Variants in ST3GAL4 observed in about 807,000 individuals in gnomAD.
ST3GAL4 encodes the protein CMP-N-acetylneuraminate-beta-galactosamide-alpha-2,3-sialyltransferase 4.
In ST3GAL4, 24 loss-of-function variants were observed where a neutral mutation model predicts 42.6. The ratio of observed to expected loss-of-function variants is 0.56; its 90% CI spans 0.41 to 0.79. The LOEUF (loss-of-function observed/expected upper bound fraction) is 0.79, where lower values mean the gene tolerates loss of function less well. Ranked by LOEUF, ST3GAL4 falls within the 30% of genes least tolerant of loss-of-function variation. The pLI is 0.00. For synonymous variants in ST3GAL4, 135 were observed against 163.2 expected, an observed-to-expected ratio of 0.83 and a Z score of 1.32; for missense variants, 311 against 430.8, an observed-to-expected ratio of 0.72 and a Z score of 2.46.
At chr11:126,380,170 G>A (rs1228854936) in intron 1 of ST3GAL4, among the ~76,000 whole-genome samples, 1 of 151,836 alleles carries the variant, frequency 6.6e-6, no homozygotes, top group African/African-American at 2.4e-5. Context: ...GCTGAGGCAG[G>A]AGAATCGCTT....
intron 1 of ST3GAL4, among the ~76,000 whole-genome samples, chr11:126,360,188 G>A (rs761659258): frequency 6.6e-6 from 1 of 152,226 alleles, no homozygotes; most frequent in Non-Finnish European, 1.5e-5. Flanking sequence ...TGGCAGGAGA[G>A]AATTAGGGGC....
chr11:126,405,801 G>T (rs1456592857), intron 1 of ST3GAL4: 2 of 403,184 alleles, frequency 5.0e-6, no homozygotes, highest in Non-Finnish European at 4.5e-6. Context: ...ATGGTGAGAA[G>T]AACCACACCA....
chr11:126,356,766 G>C (rs887904536), intron 1 of ST3GAL4, among the ~76,000 whole-genome samples: 8 of 152,220 alleles, frequency 5.3e-5, no homozygotes, highest in Non-Finnish European at 8.8e-5. Context: ...ACTTTCCACC[G>C]CCGGAGGCGG....
In ST3GAL4 at chr11:126,397,059, A is replaced by G. The variant is rs1953806672; in HGVS notation, c.-60-9037A>G. On this transcript the variant is annotated intron_variant, in intron 1 of 10. Coordinates refer to ENST00000444328, the MANE Select transcript of ST3GAL4 (RefSeq NM_001254757.2). The surrounding 1 kb of genome is among the most constrained non-coding windows in gnomAD (Gnocchi z 5.0). ...CACAAGACAGACCCCGCAACAGTGA[A>G]CTCTCTGGCCCCTCCAAGTCAGTGG... Among the ~76,000 whole-genome samples, 1 of 151,970 alleles carries G rather than the reference A, an allele frequency of 6.6e-6. No homozygotes were observed. Among genetic ancestry groups the G allele is most frequent in the African/African-American group, 2.4e-5 (1 of 41,290 alleles).
At chr11:126,377,865 G>A (rs889155996) in intron 1 of ST3GAL4, among the ~76,000 whole-genome samples, 2 of 152,220 alleles carry the variant, frequency 1.3e-5, no homozygotes, top group African/African-American at 2.4e-5. Flanking sequence ...TACTACTGAG[G>A]CCAATTCATT....
chr11:126,367,640 C>T (rs928950026), intron 1 of ST3GAL4, among the ~76,000 whole-genome samples: 35 of 152,278 alleles, frequency 2.3e-4, no homozygotes, highest in African/African-American at 7.7e-4. Flanking sequence ...GCTGCTGTTA[C>T]CCCCATTTAA....
intron 1 of ST3GAL4, among the ~76,000 whole-genome samples, chr11:126,357,774 G>C (rs1179930496): frequency 6.6e-6 from 1 of 152,320 alleles, no homozygotes; most frequent in Admixed American, 6.5e-5. Context: ...CCCTTGCTTT[G>C]GGGGCTACCC....
rs1954459454 is a variant in ST3GAL4, at chr11:126,410,208, C to T, written c.771+797C>T. The stretch of plus-strand genomic sequence containing the variant: ...AGGTGTAAGGCACTGTGTCTGACCA[C>T]AAGTTATGTGTTATGTGTTTCTTCT... On this transcript the variant is annotated intron_variant, in intron 9 of 10. Coordinates refer to ENST00000444328, the MANE Select transcript of ST3GAL4 (RefSeq NM_001254757.2). This position sits in a 1 kb window ranked among gnomAD's most constrained non-coding sequence, Gnocchi z 5.3. Among the ~76,000 whole-genome samples the T allele has an allele frequency of 6.6e-6, 1 of 152,202 alleles. No individual in the cohort carries two copies.
chr11:126,407,899 C>T (rs910939133), intron 6 of ST3GAL4, among the ~76,000 whole-genome samples, 200 bp from the exon 7 acceptor site: 1 of 152,126 alleles, frequency 6.6e-6, no homozygotes, highest in South Asian at 2.1e-4. Context: ...CTGTGCTCTG[C>T]GCAGTCTCCT....
intron 1 of ST3GAL4, among the ~76,000 whole-genome samples, chr11:126,403,944 C>T (rs975795754): frequency 2.0e-5 from 3 of 152,176 alleles, no homozygotes; most frequent in Non-Finnish European, 4.4e-5. Context: ...TGGTTCTCAA[C>T]CTTGGCTGCA....
intron 1 of ST3GAL4, chr11:126,358,612 G>C: frequency 3.3e-6 from 1 of 302,304 alleles, no homozygotes; most frequent in Non-Finnish European, 6.9e-6. Flanking sequence ...GCCAAGTGCT[G>C]GTCAGCTTTC....
At position 126,409,336 on chromosome 11, in the gene ST3GAL4, C is replaced by T. The variant is rs2135554831; in HGVS notation, c.696C>T (p.Leu232=). 1.2e-6 allele frequency: 2 copies of T among 1,614,248 alleles called. No homozygotes were observed. The highest frequency in any genetic ancestry group is 1.1e-5 in the South Asian group (1 of 91,090). ...TCAATCCTAAACAGATTCGGATTCT[C>T]AACCCCTTCTTCATGGAGATTGCAG... ...WDVNPKQIRI[L]NPFFMEIAAD... is the part of the protein sequence containing the mutation. The change falls in exon 9 of 11, where the codon CTC becomes CTT. Residue 232 remains leucine, a synonymous_variant. Coordinates refer to ENST00000444328, the MANE Select transcript of ST3GAL4 (RefSeq NM_001254757.2). This position sits in a 1 kb window ranked among gnomAD's most constrained non-coding sequence, Gnocchi z 4.9.
chr11:126,403,773 C>CTT (rs1388952057), intron 1 of ST3GAL4, among the ~76,000 whole-genome samples: 1 of 152,284 alleles, frequency 6.6e-6, no homozygotes, highest in East Asian at 1.9e-4. Context: ...CACTGCAACT[C>CTT]AAAAGAGTAG....
At chr11:126,387,425 C>T (rs1318799078) in intron 1 of ST3GAL4, among the ~76,000 whole-genome samples, 1 of 152,032 alleles carries the variant, frequency 6.6e-6, no homozygotes, top group Non-Finnish European at 1.5e-5. Flanking sequence ...CACCTTTAAT[C>T]TTTGCATTTT....
At chr11:126,404,585 AG>A (rs1954146407) in intron 1 of ST3GAL4, among the ~76,000 whole-genome samples, 2 of 152,056 alleles carry the variant, frequency 1.3e-5, no homozygotes, top group Non-Finnish European at 2.9e-5. Flanking sequence ...CTGTGGGGTG[AG>A]GGGTAGGTAA....
rs1467455953 is a variant in ST3GAL4, at chr11:126,406,377, G to T, written c.17-96G>T. The stretch of plus-strand genomic sequence containing the variant: ...CCAGAGACTGCTTCTGTTGAGTTAG[G>T]GGTCGGAGGGACTCAGAAGGGGGCA... On this transcript the variant is annotated intron_variant, in intron 2 of 10. Transcript: ENST00000444328. This position sits in a 1 kb window ranked among gnomAD's most constrained non-coding sequence, Gnocchi z 5.4. 3.8e-6 allele frequency: 6 copies of T among 1,593,646 alleles called. No homozygotes were observed. In the East Asian group the frequency reaches 1.1e-4, roughly 30 times the overall value.
In ST3GAL4 at chr11:126,355,784, C is replaced by T. The variant is rs1282198215; in HGVS notation, c.-119C>T. Reference sequence around the variant, plus strand: ...CAGCGCTGCGCCGCCGGTCGGTGCGCCTAGCGGATCGGAGCTGCGCGCGGA... The same window carrying T: ...CAGCGCTGCGCCGCCGGTCGGTGCGTCTAGCGGATCGGAGCTGCGCGCGGA... On this transcript the variant is annotated 5_prime_UTR_variant, in exon 1 of 11. Transcript: ENST00000444328. The surrounding 1 kb of genome is among the most constrained non-coding windows in gnomAD (Gnocchi z 7.1). 2 of 151,512 alleles carry T rather than the reference C, an allele frequency of 1.3e-5. No individual in the cohort carries two copies. The highest frequency in any genetic ancestry group is 2.9e-5 in the Non-Finnish European group (2 of 67,824). The allele number at this position is 151,512 out of a possible 1,614,324, so 9.4% of individuals were successfully genotyped here.
chr11:126,406,837 C>T lies in ST3GAL4; in HGVS notation c.102-106C>T. The T allele has an allele frequency of 1.4e-5, 16 of 1,116,382 alleles. No homozygotes were observed. Among genetic ancestry groups the T allele is most frequent in the Non-Finnish European group, 1.9e-5 (14 of 749,552 alleles). 69.2% of individuals were successfully genotyped at this position (1,116,382 alleles called of 1,614,324 possible). On this transcript the variant is annotated intron_variant, in intron 3 of 10. Coordinates refer to ENST00000444328, the MANE Select transcript of ST3GAL4 (RefSeq NM_001254757.2). The surrounding 1 kb of genome is among the most constrained non-coding windows in gnomAD (Gnocchi z 5.4). ...GAACTTAACTTGAGATGATTCCTCC[C>T]CGGCACCTTGGGACCTTCATGCCGT...
In ST3GAL4 at chr11:126,413,491, C is replaced by T. The variant is rs374202835; in HGVS notation, c.772-14C>T. 6.4e-5 allele frequency: 104 copies of T among 1,613,262 alleles called. No homozygotes were observed. Among genetic ancestry groups the T allele is most frequent in the Admixed American group, 6.7e-5 (4 of 59,978 alleles). ...CAGGGCTCCCACTAACACCCTCCTG[C>T]CCCTGTTCCTCAGAAGCCCACCACG... On this transcript the variant is annotated splice_polypyrimidine_tract_variant and intron_variant, in intron 9 of 10. Coordinates refer to ENST00000444328, the MANE Select transcript of ST3GAL4 (RefSeq NM_001254757.2).
Sources: allele counts gnomAD v4.1 joint callset (sites outside exome capture counted in the v4.1 genomes callset), GRCh38; gene constraint gnomAD v4.1.1; non-coding constraint Gnocchi (gnomAD v3.1); transcripts MANE v1.5; gene names NCBI Gene and HGNC (gene_info 2026-07-23, HGNC 2026-07-21).